Variants in STAG1 observed in about 807,000 individuals in gnomAD.
STAG1 encodes the protein STAG1 cohesin complex component.
A neutral mutation model predicts 170.9 loss-of-function variants in STAG1; 26 were observed. The observed-to-expected ratio is 0.15, with a 90% confidence interval of 0.11 to 0.21. The LOEUF (loss-of-function observed/expected upper bound fraction) is 0.21. Ranked by LOEUF, STAG1 falls within the 10% of genes least tolerant of loss-of-function variation. STAG1 has a pLI of 1.00. For synonymous variants in STAG1, 514 were observed against 497.7 expected (o/e 1.03, Z -0.44); for missense variants, 964 against 1,509.5 (o/e 0.64, Z 5.99).
intron 4 of STAG1, among the ~76,000 whole-genome samples, chr3:136,590,407 C>T (rs979530869): frequency 2.0e-5 from 3 of 151,240 alleles, no homozygotes; most frequent in African/African-American, 4.9e-5. Flanking sequence ...GCAGGAGAAT[C>T]GCATGAACCC....
chr3:136,604,119 A>T (rs1336107690), intron 4 of STAG1, among the ~76,000 whole-genome samples, 190 bp downstream of exon 4: 1 of 152,176 alleles, frequency 6.6e-6, no homozygotes, highest in Non-Finnish European at 1.5e-5. Context: ...ACAAAAGTAC[A>T]TCTTACGATT....
At chr3:136,467,796 T>G (rs552077088) in intron 12 of STAG1, among the ~76,000 whole-genome samples, 1 of 151,892 alleles carries the variant, frequency 6.6e-6, no homozygotes, top group African/African-American at 2.4e-5. Flanking sequence ...GAACAGAAAT[T>G]ATAACAAACT....
intron 6 of STAG1, among the ~76,000 whole-genome samples, chr3:136,527,087 C>T (rs377582641): frequency 1.3e-5 from 2 of 152,264 alleles, no homozygotes; most frequent in South Asian, 4.1e-4. Flanking sequence ...TTGCTCTTCT[C>T]AAGGAGTATC....
intron 1 of STAG1, among the ~76,000 whole-genome samples, chr3:136,714,963 A>T (rs1334049506): frequency 7.0e-4 from 43 of 61,714 alleles, no homozygotes; most frequent in Non-Finnish European, 1.1e-3. Flanking sequence ...ATATATATAT[A>T]TTTTATATAT....
chr3:136,424,635 A>G (rs2088060895), intron 16 of STAG1, among the ~76,000 whole-genome samples: 1 of 151,928 alleles, frequency 6.6e-6, no homozygotes, highest in Non-Finnish European at 1.5e-5. Flanking sequence ...GCCCAGCCTG[A>G]GTGGTCATTT....
At chr3:136,630,391 G>A (rs1940286405) in intron 2 of STAG1, among the ~76,000 whole-genome samples, 1 of 151,588 alleles carries the variant, frequency 6.6e-6, no homozygotes, top group South Asian at 2.1e-4. Flanking sequence ...GGGAGGGGGG[G>A]TAGAGAAGGG....
intron 9 of STAG1, among the ~76,000 whole-genome samples, chr3:136,494,573 T>C (rs887102710): frequency 6.6e-6 from 1 of 152,168 alleles, no homozygotes; most frequent in East Asian, 1.9e-4. Flanking sequence ...ATAAAAAGGA[T>C]TGTATACCAT....
At chr3:136,389,956 C>T (rs375703805) in intron 22 of STAG1, among the ~76,000 whole-genome samples, 51 of 151,634 alleles carry the variant, frequency 3.4e-4, no homozygotes, top group African/African-American at 9.9e-4. Flanking sequence ...CTCAGCCTCC[C>T]GAGTAGCTGG....
chr3:136,549,603 GT>G (rs1936303002), intron 5 of STAG1, among the ~76,000 whole-genome samples: 1 of 151,146 alleles, frequency 6.6e-6, no homozygotes, highest in Non-Finnish European at 1.5e-5. Context: ...GCCCAGCCTG[GT>G]TTTCTATATA....
chr3:136,369,337 C>G (rs1177091116), intron 23 of STAG1, 55 bp from the exon 24 acceptor site: 1 of 1,385,598 alleles, frequency 7.2e-7, no homozygotes, highest in Non-Finnish European at 9.7e-7. Context: ...AACTACAAGT[C>G]AACATTAATG....
chr3:136,597,052 C>A (rs559124475), intron 4 of STAG1, among the ~76,000 whole-genome samples: 13 of 152,140 alleles, frequency 8.5e-5, no homozygotes, highest in African/African-American at 2.6e-4. Context: ...CCCCAATCTG[C>A]GCGACAGAGC....
intron 13 of STAG1, among the ~76,000 whole-genome samples, chr3:136,463,262 C>T (rs2107795045): frequency 6.6e-6 from 1 of 152,232 alleles, no homozygotes; most frequent in South Asian, 2.1e-4. Flanking sequence ...ACAGAGATTT[C>T]TTACATAGAA....
chr3:136,651,346 A>G (rs1941210469), intron 1 of STAG1, among the ~76,000 whole-genome samples: 1 of 150,808 alleles, frequency 6.6e-6, no homozygotes, highest in African/African-American at 2.5e-5. Flanking sequence ...AGCCTCAGTG[A>G]AAGAGCAAGA....
At chr3:136,365,680 G>C (rs1247718013) in intron 25 of STAG1, among the ~76,000 whole-genome samples, 1 of 152,008 alleles carries the variant, frequency 6.6e-6, no homozygotes, top group East Asian at 1.9e-4. Flanking sequence ...TAAGATTACA[G>C]AATACATTAT....
intron 1 of STAG1, among the ~76,000 whole-genome samples, chr3:136,711,564 G>GAA (rs11285523): frequency 6.8e-6 from 1 of 146,132 alleles, no homozygotes; most frequent in East Asian, 2.0e-4. Context: ...ATGTTTCAAG[G>GAA]AAAAAAAAAA....
intron 2 of STAG1, among the ~76,000 whole-genome samples, chr3:136,625,316 A>G (rs1419874704): frequency 2.6e-5 from 4 of 152,332 alleles, no homozygotes; most frequent in Non-Finnish European, 4.4e-5. Flanking sequence ...ACTCCCTTGG[A>G]GATTTCATCC....
intron 4 of STAG1, among the ~76,000 whole-genome samples, chr3:136,593,943 T>A (rs1938305035): frequency 6.6e-6 from 1 of 152,232 alleles, no homozygotes; most frequent in Non-Finnish European, 1.5e-5. Context: ...TAATCAATAG[T>A]ATATGTGTCC....
chr3:136,342,509 A>G (rs1287217151), intron 30 of STAG1, among the ~76,000 whole-genome samples: 1 of 149,370 alleles, frequency 6.7e-6, no homozygotes, highest in Non-Finnish European at 1.5e-5. Context: ...GTGTTGAGAC[A>G]GAGTCTGTGT....
intron 22 of STAG1, among the ~76,000 whole-genome samples, chr3:136,396,222 T>C (rs1261086883): frequency 6.9e-6 from 1 of 145,184 alleles, no homozygotes; most frequent in Non-Finnish European, 1.5e-5. Flanking sequence ...TTTTTTTTTT[T>C]TTTTTTTTTT....
Sources: gnomAD v4.1 joint callset for allele counts (sites outside exome capture counted in the v4.1 genomes callset) on GRCh38, gnomAD v4.1.1 for gene constraint, MANE v1.5 for transcripts, NCBI Gene and HGNC (gene_info 2026-07-23, HGNC 2026-07-21) for gene names.